SPATA16: variants seen among roughly 807,000 people sequenced by gnomAD.
SPATA16 encodes the protein spermatogenesis associated 16, also known as spermatogenesis-associated protein 16.
In SPATA16, 36 loss-of-function variants were observed where a neutral mutation model predicts 63.3. The ratio of observed to expected loss-of-function variants is 0.57; its 90% CI spans 0.44 to 0.75. The LOEUF is 0.75. Ranked by LOEUF, SPATA16 falls within the 30% of genes least tolerant of loss-of-function variation. The pLI, the probability that SPATA16 is intolerant of heterozygous loss-of-function variation, is 0.00. For missense variants in SPATA16, 646 were observed against 679.3 expected (o/e 0.95, Z 0.54); for synonymous variants, 203 against 216.7 (o/e 0.94, Z 0.56).
intron 3 of SPATA16, among the ~76,000 whole-genome samples, chr3:173,040,564 A>T (rs28631547): frequency 0.051 from 7,724 of 152,228 alleles, 453 homozygotes; most frequent in African/African-American, 0.15. Context: ...TGGTAGCTGA[A>T]TCTGAGTTCT....
chr3:173,070,632 A>G (rs1409466831), intron 2 of SPATA16, among the ~76,000 whole-genome samples: 3 of 152,216 alleles, frequency 2.0e-5, no homozygotes, highest in Non-Finnish European at 4.4e-5. Flanking sequence ...AGGATACAAA[A>G]TCATCTTACA....
chr3:172,973,375 G>A (rs938613678), intron 5 of SPATA16, among the ~76,000 whole-genome samples: 1 of 152,168 alleles, frequency 6.6e-6, no homozygotes, highest in South Asian at 2.1e-4. Context: ...AACCATTAAG[G>A]TAGGGGATGA....
At chr3:173,000,517 A>G (rs1451117044) in intron 4 of SPATA16, among the ~76,000 whole-genome samples, 2 of 152,092 alleles carry the variant, frequency 1.3e-5, no homozygotes, top group Non-Finnish European at 2.9e-5. Flanking sequence ...GTTTAGGTGT[A>G]GTTTTTGTTT....
At chr3:172,958,249 C>T (rs1733648413) in intron 5 of SPATA16, among the ~76,000 whole-genome samples, 1 of 152,158 alleles carries the variant, frequency 6.6e-6, no homozygotes, top group African/African-American at 2.4e-5. Context: ...GACCTGGATG[C>T]CAGCTTTGGA....
At chr3:173,018,679 C>G (rs1219675993) in intron 4 of SPATA16, among the ~76,000 whole-genome samples, 1 of 152,190 alleles carries the variant, frequency 6.6e-6, no homozygotes, top group African/African-American at 2.4e-5. Flanking sequence ...GGCACCCCAT[C>G]TCGATTCCTG....
rs1474889788 is a variant in SPATA16, at chr3:173,057,145, T to A, written c.613-8051A>T. Among the ~76,000 whole-genome samples, 3 of 149,856 alleles carry A rather than the reference T, an allele frequency of 2.0e-5. No individual in the cohort carries two copies. The East Asian group carries it at 5.9e-4, about 30-fold the overall frequency. On this transcript the variant is annotated intron_variant, in intron 2 of 10. Coordinates refer to ENST00000351008, the MANE Select transcript of SPATA16 (RefSeq NM_031955.6). ...TTTTTTTTTTGAGGCAGATTCTCGC[T>A]CTGTGGCCCAGGCTGGAGTGCAGTG...
At chr3:173,059,656 C>T (rs996574377) in intron 2 of SPATA16, among the ~76,000 whole-genome samples, 7 of 151,716 alleles carry the variant, frequency 4.6e-5, no homozygotes, top group African/African-American at 7.3e-5. Flanking sequence ...ATTTGTTACT[C>T]ATTATATTTA....
At chr3:173,135,954 A>T (rs1738534848) in intron 1 of SPATA16, among the ~76,000 whole-genome samples, 1 of 152,240 alleles carries the variant, frequency 6.6e-6, no homozygotes, top group African/African-American at 2.4e-5. Flanking sequence ...TAAGAAAATC[A>T]ATCAAGACAG....
At chr3:172,956,882 T>C (rs1225710791) in intron 5 of SPATA16, 58 bp from the exon 6 acceptor site, 2 of 1,586,486 alleles carry the variant, frequency 1.3e-6, no homozygotes, top group Admixed American at 3.4e-5. Context: ...TTTTTAAGAA[T>C]GTAAAAAATA....
At chr3:172,978,120 GCTCT>G (rs141560886) in intron 4 of SPATA16, among the ~76,000 whole-genome samples, 13 of 145,598 alleles carry the variant, frequency 8.9e-5, no homozygotes, top group Admixed American at 1.4e-4. Flanking sequence ...GGATTATTCA[GCTCT>G]CTCTCTCTCT....
chr3:173,121,359 G>A lies in SPATA16; in HGVS notation c.-18-3610C>T, dbSNP rs546696471. On this transcript the variant is annotated intron_variant, in intron 1 of 10. Coordinates refer to ENST00000351008, the MANE Select transcript of SPATA16 (RefSeq NM_031955.6). ...CAATGTGTGTTTTCAGCCTTATTTA[G>A]CACTTCTCCTATAAACTACTCTGAA... is the stretch of plus-strand genomic sequence containing the variant. Among the ~76,000 whole-genome samples, 18 of 152,064 alleles carry A rather than the reference G, an allele frequency of 1.2e-4. No individual in the cohort carries two copies. The East Asian group carries it at 2.1e-3, about 18-fold the overall frequency.
intron 1 of SPATA16, among the ~76,000 whole-genome samples, chr3:173,121,565 G>A (rs1461002365): frequency 2.0e-5 from 3 of 151,632 alleles, no homozygotes; most frequent in East Asian, 3.9e-4. Context: ...TTTTTATATC[G>A]CAATTATTCC....
Position 172,896,542 on chromosome 3 carries a change from T to C in SPATA16, c.1588-6850A>G, listed in dbSNP as rs868315922. Among the ~76,000 whole-genome samples the C allele has an allele frequency of 4.6e-5, 7 of 152,362 alleles. No individual in the cohort carries two copies. In the South Asian group the frequency reaches 1.5e-3, roughly 32 times the overall value. ...GAAACTGCCGTATTATTTTCCACAG[T>C]GGTTGTACCATTTTACATCCCATTA... On this transcript the variant is annotated intron_variant, in intron 10 of 10. Transcript: ENST00000351008.
At chr3:173,014,404 A>G (rs1485333618) in intron 4 of SPATA16, among the ~76,000 whole-genome samples, 1 of 152,206 alleles carries the variant, frequency 6.6e-6, no homozygotes, top group Admixed American at 6.5e-5. Context: ...GGACATAAAG[A>G]TGGAAACAAT....
rs141678739 is a variant in SPATA16, at chr3:172,949,086, A to G, written c.1081+7591T>C. On this transcript the variant is annotated intron_variant, in intron 6 of 10. Coordinates refer to ENST00000351008, the MANE Select transcript of SPATA16 (RefSeq NM_031955.6). ...AGTTGTTTGGGATTAATAAAGGGCC[A>G]GTAAAGGGTATCTGGAGAGCTGGTC... Among the ~76,000 whole-genome samples the G allele has an allele frequency of 4.6e-4, 70 of 152,306 alleles. 1 individual carries two copies. In the East Asian group the frequency reaches 0.012, roughly 26 times the overall value.
chr3:173,064,972 T>G (rs1414295450), intron 2 of SPATA16, among the ~76,000 whole-genome samples: 1 of 152,216 alleles, frequency 6.6e-6, no homozygotes, highest in Non-Finnish European at 1.5e-5. Context: ...ACAGTGTGAG[T>G]TATGACACAA....
chr3:172,979,859 A>T (rs967168332), intron 4 of SPATA16, among the ~76,000 whole-genome samples: 1 of 152,226 alleles, frequency 6.6e-6, no homozygotes, highest in Non-Finnish European at 1.5e-5. Flanking sequence ...ATTAAAATTA[A>T]ATAACAAAAA....
At chr3:173,048,361 T>C (rs1171127523) in intron 3 of SPATA16, among the ~76,000 whole-genome samples, 1 of 151,992 alleles carries the variant, frequency 6.6e-6, no homozygotes, top group African/African-American at 2.4e-5. Context: ...TACACTTTTA[T>C]AGAAGAAAAG....
intron 2 of SPATA16, among the ~76,000 whole-genome samples, chr3:173,101,626 G>A (rs979086201): frequency 2.0e-5 from 3 of 152,086 alleles, no homozygotes; most frequent in Non-Finnish European, 4.4e-5. Flanking sequence ...GACATCATCT[G>A]AGTGAGTTCA....
Sources: allele counts gnomAD v4.1 joint callset (sites outside exome capture counted in the v4.1 genomes callset), GRCh38; gene constraint gnomAD v4.1.1; transcripts MANE v1.5; gene names NCBI Gene and HGNC (gene_info 2026-07-23, HGNC 2026-07-21).